LRP2BP: variants seen among roughly 807,000 people sequenced by gnomAD.
The protein encoded by LRP2BP is LRP2-binding protein.
A neutral mutation model predicts 45.2 loss-of-function variants in LRP2BP; 38 were observed. The observed-to-expected ratio is 0.84, with a 90% CI of 0.65 to 1.10. The LOEUF (loss-of-function observed/expected upper bound fraction) is 1.10. Ranked by LOEUF, LRP2BP falls within the 50% of genes least tolerant of loss-of-function variation. The probability of loss-of-function intolerance (pLI) is 0.00; values close to 1 mark genes in which losing one functional copy is unlikely to be tolerated. For missense variants in LRP2BP, 385 were observed against 418.9 expected, an observed-to-expected ratio of 0.92 and a Z score of 0.71; for synonymous variants, 153 against 153.9, an observed-to-expected ratio of 0.99 and a Z score of 0.04.
intron 1 of LRP2BP, chr4:185,378,710 T>A: frequency 1.0e-6 from 1 of 986,208 alleles, no homozygotes. Context: ...ATTGCCATGT[T>A]ATAAGATGGA....
In LRP2BP at chr4:185,384,136, G is replaced by C. The variant is rs548023133; in HGVS notation, c.-21-5929C>G. ...AAGAGGTGGAGCCCTGGGGAGTGAC[G>C]GGAGGGTTCTGCTCTTAAGGATGGG... On this transcript the variant is annotated intron_variant, in intron 1 of 8. Transcript: ENST00000505916. 3.9e-5 allele frequency among the ~76,000 whole-genome samples: 6 copies of C among 152,228 alleles called. No individual in the cohort carries two copies. The South Asian group carries it at 1.2e-3, about 32-fold the overall frequency.
At chr4:185,376,044 C>T (rs1004732065) in intron 3 of LRP2BP, among the ~76,000 whole-genome samples, 3 of 151,944 alleles carry the variant, frequency 2.0e-5, no homozygotes, top group Non-Finnish European at 4.4e-5. Flanking sequence ...GAAAGACAGT[C>T]AGTCCCTTTT....
At chr4:185,374,031 T>C in intron 6 of LRP2BP, 104 bp downstream of exon 6, 4 of 904,442 alleles carry the variant, frequency 4.4e-6, no homozygotes, top group South Asian at 1.6e-5. Context: ...AAAGGAACTA[T>C]AAGAGATATT....
chr4:185,395,956 C>CG (rs1210724131), upstream of LRP2BP: 1 of 962,278 alleles, frequency 1.0e-6, no homozygotes, highest in Non-Finnish European at 1.2e-6. Context: ...TAGCTGCCAT[C>CG]GGAAGTCAGG....
chr4:185,385,012 A>T (rs2095466739), intron 1 of LRP2BP, among the ~76,000 whole-genome samples: 1 of 151,672 alleles, frequency 6.6e-6, no homozygotes. Flanking sequence ...TCAGGCCCTG[A>T]AGAGAGGAAA....
At position 185,377,001 on chromosome 4, in the gene LRP2BP, A is replaced by T; in HGVS notation, c.124T>A (p.Leu42Met). 6.2e-7 allele frequency: 1 copy of T among 1,611,942 alleles called. No individual in the cohort carries two copies. Among genetic ancestry groups the T allele is most frequent in the South Asian group, 1.1e-5 (1 of 91,036 alleles). ...KEKTDYTHAN[L>M]VDKALQLLKE... ...AAGAGCTGCAATGCCTTATCCACCAAATTAGCATGGGTGTAATCTGATTTT... is the reference window on the plus strand; with the variant it reads ...AAGAGCTGCAATGCCTTATCCACCATATTAGCATGGGTGTAATCTGATTTT... The change falls in exon 3 of 9, where the codon TTG becomes ATG. Residue 42 changes from leucine (L) to methionine (M), a missense_variant. Coordinates refer to ENST00000505916, the MANE Select transcript of LRP2BP (RefSeq NM_001377440.1).
intron 6 of LRP2BP, 70 bp from the exon 7 acceptor site, chr4:185,373,149 G>C: frequency 7.3e-7 from 1 of 1,374,430 alleles, no homozygotes; most frequent in Non-Finnish European, 1.0e-6. Flanking sequence ...ATACTAGACA[G>C]AAAAGAACTC....
At chr4:185,384,321 G>A (rs1160020610) in intron 1 of LRP2BP, among the ~76,000 whole-genome samples, 2 of 152,070 alleles carry the variant, frequency 1.3e-5, no homozygotes, top group African/African-American at 2.4e-5. Context: ...CCAGAACTAT[G>A]AGAAATCAAT....
chr4:185,396,131 C>G (rs1437437830), upstream of LRP2BP: 1 of 153,468 alleles, frequency 6.5e-6, no homozygotes, highest in Non-Finnish European at 1.4e-5. Flanking sequence ...GCGGCCTCTC[C>G]CCGAGGGCCC....
At chr4:185,395,970 T>C (rs1025459887), upstream of LRP2BP, 9 of 944,016 alleles carry the variant, frequency 9.5e-6, no homozygotes, top group South Asian at 9.8e-5. Context: ...AGTCAGGTCA[T>C]GTTCTACAAA....
rs1361941154 is a variant in LRP2BP at position 185,365,919 on chromosome 4, C to G, written c.*1261G>C. ...ATGAAGTTCAGGCAATACAGACAAG[C>G]CAGAACATAAAACGAGAGCAAATAC... On this transcript the variant is annotated 3_prime_UTR_variant, in exon 9 of 9. Coordinates refer to ENST00000505916, the MANE Select transcript of LRP2BP (RefSeq NM_001377440.1). The G allele has an allele frequency of 6.6e-6, 1 of 152,098 alleles. No homozygotes were observed. Among genetic ancestry groups the G allele is most frequent in the Non-Finnish European group, 1.5e-5 (1 of 68,016 alleles). The allele number at this position is 152,098 out of a possible 1,614,324, so 9.4% of individuals were successfully genotyped here. A position where few individuals can be genotyped will look rare whatever the true frequency, so the allele number is the denominator to read the frequency against.
At chr4:185,377,411 G>C (rs572520114) in intron 2 of LRP2BP, 3 of 166,734 alleles carry the variant, frequency 1.8e-5, no homozygotes, top group Non-Finnish European at 2.6e-5. Flanking sequence ...CCAGCTACTC[G>C]GGAGACTCAG....
chr4:185,382,855 G>A (rs934775974), intron 1 of LRP2BP, among the ~76,000 whole-genome samples: 26 of 150,816 alleles, frequency 1.7e-4, no homozygotes, highest in African/African-American at 5.9e-4. Context: ...TTCTTTTCTT[G>A]CCTGTGCTTT....
At chr4:185,372,638 A>C (rs557349182) in intron 7 of LRP2BP, among the ~76,000 whole-genome samples, 2 of 152,344 alleles carry the variant, frequency 1.3e-5, no homozygotes, top group African/African-American at 4.8e-5. Flanking sequence ...CGACGAGGCC[A>C]TGAGAGCACC....
At chr4:185,379,349 T>TTAA (rs200824669) in intron 1 of LRP2BP, among the ~76,000 whole-genome samples, 2 of 152,230 alleles carry the variant, frequency 1.3e-5, no homozygotes, top group East Asian at 3.8e-4. Flanking sequence ...CACTCATTTA[T>TTAA]GACTGAAAGA....
At chr4:185,392,654 CT>C (rs973514430) in intron 1 of LRP2BP, among the ~76,000 whole-genome samples, 1 of 151,226 alleles carries the variant, frequency 6.6e-6, no homozygotes, top group African/African-American at 2.4e-5. Context: ...TGGTTATAAC[CT>C]TCTGTCTTTG....
intron 6 of LRP2BP, 33 bp downstream of exon 6, chr4:185,374,102 A>AT: frequency 6.5e-7 from 1 of 1,543,804 alleles, no homozygotes; most frequent in South Asian, 1.1e-5. Flanking sequence ...TAATCTAAAT[A>AT]TAACACTAGC....
chr4:185,373,829 C>T (rs906704555), intron 6 of LRP2BP, among the ~76,000 whole-genome samples: 2 of 152,134 alleles, frequency 1.3e-5, no homozygotes, highest in African/African-American at 2.4e-5. Context: ...CTCAAGTCAA[C>T]GGTAATATTC....
intron 8 of LRP2BP, 70 bp from the exon 9 acceptor site, chr4:185,367,315 T>G: frequency 2.2e-6 from 3 of 1,372,296 alleles, no homozygotes; most frequent in Admixed American, 2.2e-5. Context: ...TTTTTTTTTT[T>G]TCTTTTTTGA....
Sources: allele counts gnomAD v4.1 joint callset (sites outside exome capture counted in the v4.1 genomes callset), GRCh38; gene constraint gnomAD v4.1.1; transcripts MANE v1.5; gene names NCBI Gene and HGNC (gene_info 2026-07-23, HGNC 2026-07-21).